The following NAALADL2 variants were observed in gnomAD, a reference collection of about 807,000 sequenced individuals.
The protein encoded by NAALADL2 is N-acetylated alpha-linked acidic dipeptidase like 2.
Under a neutral mutation model 87.2 loss-of-function variants are expected in NAALADL2, and 76 were observed. That is an observed-to-expected ratio of 0.87 (90% confidence interval 0.72 to 1.05). The LOEUF (loss-of-function observed/expected upper bound fraction) is 1.05, where lower values mean the gene tolerates loss of function less well. Among genes scored for constraint, NAALADL2 ranks in the 50% least tolerant of loss-of-function variants. The probability of loss-of-function intolerance (pLI) is 0.00; values close to 1 mark genes in which losing one functional copy is unlikely to be tolerated. For synonymous variants in NAALADL2, 354 were observed against 331.0 expected, an observed-to-expected ratio of 1.07 and a Z score of -0.75; for missense variants, 1,089 against 945.8, an observed-to-expected ratio of 1.15 and a Z score of -1.99.
chr3:174,811,135 G>A (rs1472572132), intron 3 of NAALADL2, among the ~76,000 whole-genome samples: 1 of 152,190 alleles, frequency 6.6e-6, no homozygotes, highest in Admixed American at 6.5e-5. Flanking sequence ...GGCTTCAGGG[G>A]CAGAGCCCTT....
intron 1 of NAALADL2, among the ~76,000 whole-genome samples, chr3:175,012,959 ATG>A (rs1324807096): frequency 8.0e-6 from 1 of 125,144 alleles, no homozygotes; most frequent in Non-Finnish European, 1.5e-5. Flanking sequence ...TATAGCCTAG[ATG>A]TGTGTGTATA....
intron 5 of NAALADL2, among the ~76,000 whole-genome samples, chr3:175,362,495 A>G (rs909600715): frequency 6.7e-6 from 1 of 148,350 alleles, no homozygotes; most frequent in Admixed American, 6.9e-5. Flanking sequence ...GTTCCTATCC[A>G]TGAGCATGGA....
rs570459903 is a variant in NAALADL2, at chr3:174,951,679, T to C, written c.43+92229T>C. Among the ~76,000 whole-genome samples, 14 of 152,234 alleles carry C rather than the reference T, an allele frequency of 9.2e-5. No individual in the cohort carries two copies. The East Asian group carries it at 1.2e-3, about 13-fold the overall frequency. ...ACTTGTCGATAGACGCCTTCAACTT[T>C]AAATGTTGTAATCAATATAACTTTG... On this transcript the variant is annotated intron_variant, in intron 1 of 13. Transcript: ENST00000454872.
chr3:175,601,634 G>T (rs1286338419), intron 10 of NAALADL2, among the ~76,000 whole-genome samples: 1 of 152,068 alleles, frequency 6.6e-6, no homozygotes, highest in Non-Finnish European at 1.5e-5. Flanking sequence ...CTCCCATAAA[G>T]ATATTTATTG....
chr3:175,066,521 A>G (rs185336967), intron 1 of NAALADL2, among the ~76,000 whole-genome samples: 1 of 152,146 alleles, frequency 6.6e-6, no homozygotes. Flanking sequence ...GAAACAACCA[A>G]AAGTGCTTGT....
At chr3:175,429,524 G>C (rs540722050) in intron 5 of NAALADL2, among the ~76,000 whole-genome samples, 1 of 151,926 alleles carries the variant, frequency 6.6e-6, no homozygotes. Context: ...CTAACGAGAG[G>C]AAAAATCAGG....
chr3:175,228,242 C>T (rs1218539737), intron 2 of NAALADL2, among the ~76,000 whole-genome samples: 1 of 151,824 alleles, frequency 6.6e-6, no homozygotes, highest in Non-Finnish European at 1.5e-5. Context: ...CAATTTTGAA[C>T]AAGTATCTAT....
chr3:174,795,534 C>G (rs1717981757), intron 3 of NAALADL2, among the ~76,000 whole-genome samples: 1 of 151,948 alleles, frequency 6.6e-6, no homozygotes, highest in South Asian at 2.1e-4. Flanking sequence ...TATATGTTTC[C>G]ATTTTTCTTA....
At position 175,719,897 on chromosome 3, in the gene NAALADL2, T is replaced by A. The variant is rs530963997; in HGVS notation, c.1897-17409T>A. Reference sequence around the variant, plus strand: ...TCACAGAAGGTGCCTTTGCACAGTCTCCTCATGTGATAGAAGAAGCTAACT... The same window carrying A: ...TCACAGAAGGTGCCTTTGCACAGTCACCTCATGTGATAGAAGAAGCTAACT... On this transcript the variant is annotated intron_variant, in intron 11 of 13. Transcript: ENST00000454872. Among the ~76,000 whole-genome samples, 7 of 152,316 alleles carry A rather than the reference T, an allele frequency of 4.6e-5. 1 individual carries two copies. In the South Asian group the frequency reaches 1.4e-3, roughly 32 times the overall value.
chr3:174,662,970 G>C (rs187267249), intron 2 of NAALADL2, among the ~76,000 whole-genome samples: 22 of 152,178 alleles, frequency 1.4e-4, no homozygotes, highest in African/African-American at 5.3e-4. Context: ...AAAGCAGGGA[G>C]GTTTTTAGTG....
intron 9 of NAALADL2, among the ~76,000 whole-genome samples, chr3:175,558,187 C>T (rs1251412185): frequency 2.0e-5 from 2 of 99,936 alleles, no homozygotes; most frequent in Non-Finnish European, 2.1e-5. Flanking sequence ...ACAGCAAGAC[C>T]CCGTCTCAAA....
Position 175,566,745 on chromosome 3 carries a change from T to C in NAALADL2, c.1654-9296T>C, listed in dbSNP as rs560606519. On this transcript the variant is annotated intron_variant, in intron 9 of 13. Coordinates refer to ENST00000454872, the MANE Select transcript of NAALADL2 (RefSeq NM_207015.3). ...ATTTTTTCTGGGTAATATCAGTTCATCTTCATTAATTTTTTTATATCAGCA... is the reference window on the plus strand; with the variant it reads ...ATTTTTTCTGGGTAATATCAGTTCACCTTCATTAATTTTTTTATATCAGCA... Among the ~76,000 whole-genome samples the C allele has an allele frequency of 2.5e-3, 373 of 152,244 alleles. 2 individuals are homozygous for C. Among genetic ancestry groups the C allele is most frequent in the East Asian group, 5.0e-3 (26 of 5,186 alleles).
chr3:174,687,323 G>A (rs111661439), intron 2 of NAALADL2, among the ~76,000 whole-genome samples: 9 of 152,166 alleles, frequency 5.9e-5, no homozygotes, highest in African/African-American at 2.2e-4. Flanking sequence ...GCATTCAAAA[G>A]TGACTCACAA....
At chr3:175,104,492 C>G (rs1407138201) in intron 2 of NAALADL2, among the ~76,000 whole-genome samples, 1 of 152,124 alleles carries the variant, frequency 6.6e-6, no homozygotes, top group African/African-American at 2.4e-5. Flanking sequence ...GCCTTACTTT[C>G]CAACCATTTT....
At chr3:175,190,943 A>C (rs922603874) in intron 2 of NAALADL2, among the ~76,000 whole-genome samples, 12 of 147,586 alleles carry the variant, frequency 8.1e-5, no homozygotes, top group Non-Finnish European at 1.6e-4. Context: ...GAGCCACTGC[A>C]CTCCAGCCTG....
chr3:175,242,502 G>A (rs1378454258), intron 3 of NAALADL2: 1 of 152,160 alleles, frequency 6.6e-6, no homozygotes, highest in African/African-American at 2.4e-5. Flanking sequence ...TGTCATATTA[G>A]TTTCACAGTC....
In NAALADL2 at chr3:174,826,028, AAAC is replaced by A. The variant is rs71624294; in HGVS notation, c.-9+88304_-9+88306del. The stretch of plus-strand genomic sequence containing the variant: ...GGCAGACAGAGCGAGACTCCATCTC[AAAC>A]AACAACAACAACAACAACAACGACA... On this transcript the variant is annotated intron_variant, in intron 3 of 3. Transcript: ENST00000434257. Among the ~76,000 whole-genome samples, 259 of 150,550 alleles carry A rather than the reference AAAC, an allele frequency of 1.7e-3. 1 individual carries two copies. Among genetic ancestry groups the A allele is most frequent in the Middle Eastern group, 6.8e-3 (2 of 292 alleles).
intron 2 of NAALADL2, among the ~76,000 whole-genome samples, chr3:174,697,576 T>C (rs908747382): frequency 1.3e-5 from 2 of 152,062 alleles, no homozygotes; most frequent in Non-Finnish European, 2.9e-5. Context: ...CATAATATGA[T>C]TGATATAGAA....
At chr3:175,502,701 C>T (rs1448168784) in intron 9 of NAALADL2, among the ~76,000 whole-genome samples, 1 of 151,960 alleles carries the variant, frequency 6.6e-6, no homozygotes, top group African/African-American at 2.4e-5. Context: ...CTCTCTCAAT[C>T]CCAGTATACA....
Sources: gnomAD v4.1 joint callset for allele counts (sites outside exome capture counted in the v4.1 genomes callset) on GRCh38, gnomAD v4.1.1 for gene constraint, MANE v1.5 for transcripts, NCBI Gene and HGNC (gene_info 2026-07-23, HGNC 2026-07-21) for gene names.